The following ST3GAL3 variants were observed in gnomAD, a reference collection of about 807,000 sequenced individuals.
The protein encoded by ST3GAL3 is ST3 beta-galactoside alpha-2,3-sialyltransferase 3, also known as CMP-N-acetylneuraminate-beta-1,4-galactoside alpha-2,3-sialyltransferase.
Under a neutral mutation model 50.1 loss-of-function variants are expected in ST3GAL3, and 21 were observed. That is an observed-to-expected ratio of 0.42 (90% CI 0.30 to 0.60). The LOEUF (loss-of-function observed/expected upper bound fraction) is 0.60. ST3GAL3 is among the 20% of genes least tolerant of loss of function. The pLI, the probability that ST3GAL3 is intolerant of heterozygous loss-of-function variation, is 0.19. For missense variants in ST3GAL3, 353 were observed against 489.4 expected, an observed-to-expected ratio of 0.72 and a Z score of 2.63; for synonymous variants, 183 against 190.0, an observed-to-expected ratio of 0.96 and a Z score of 0.30.
At chr1:43,765,336 G>A (rs1037281402) in intron 2 of ST3GAL3, among the ~76,000 whole-genome samples, 2 of 152,212 alleles carry the variant, frequency 1.3e-5, no homozygotes, top group East Asian at 1.9e-4. Context: ...CTCTCTTCAA[G>A]CTTCTCTCTT....
At chr1:43,725,260 C>A (rs1441948997) in intron 1 of ST3GAL3, among the ~76,000 whole-genome samples, 1 of 151,922 alleles carries the variant, frequency 6.6e-6, no homozygotes, top group Non-Finnish European at 1.5e-5. Flanking sequence ...GGCTGCAGTG[C>A]AGTGGTGCAA....
At chr1:43,783,953 T>C (rs2056937065) in intron 2 of ST3GAL3, among the ~76,000 whole-genome samples, 1 of 152,206 alleles carries the variant, frequency 6.6e-6, no homozygotes, top group Non-Finnish European at 1.5e-5. Flanking sequence ...AAAGCCTTTT[T>C]ATGAAGGTCT....
At chr1:43,861,628 G>A (rs950827896) in intron 5 of ST3GAL3, among the ~76,000 whole-genome samples, 94 of 152,140 alleles carry the variant, frequency 6.2e-4, no homozygotes, top group African/African-American at 2.7e-4. Context: ...TCCTGGTGCC[G>A]TAACCCCTAC....
At chr1:43,762,754 T>C (rs1691018554) in intron 2 of ST3GAL3, among the ~76,000 whole-genome samples, 1 of 152,188 alleles carries the variant, frequency 6.6e-6, no homozygotes, top group Admixed American at 6.6e-5. Context: ...TAACTTTGGT[T>C]TCTTTCTGGG....
intron 2 of ST3GAL3, chr1:43,771,860 A>T: frequency 2.5e-6 from 1 of 398,192 alleles, no homozygotes; most frequent in Non-Finnish European, 4.4e-6. Flanking sequence ...AGACAAATGA[A>T]CACCTCCCTT....
At chr1:43,750,630 C>T (rs1489485376) in intron 2 of ST3GAL3, among the ~76,000 whole-genome samples, 3 of 152,084 alleles carry the variant, frequency 2.0e-5, no homozygotes, top group Non-Finnish European at 4.4e-5. Context: ...TGGCTAATGC[C>T]TGTAATCCCA....
chr1:43,881,863 C>G (rs2075201404), intron 5 of ST3GAL3, among the ~76,000 whole-genome samples: 2 of 152,198 alleles, frequency 1.3e-5, no homozygotes, highest in South Asian at 4.1e-4. Context: ...ATCAAAGTGT[C>G]CATGAGGATC....
At chr1:43,796,379 G>A (rs547470337) in intron 3 of ST3GAL3, among the ~76,000 whole-genome samples, 12 of 152,346 alleles carry the variant, frequency 7.9e-5, no homozygotes, top group East Asian at 3.9e-4. Context: ...GAAAGCAACC[G>A]CTTTAAGTTA....
At chr1:43,854,725 C>G (rs2068005270) in intron 5 of ST3GAL3, among the ~76,000 whole-genome samples, 1 of 152,242 alleles carries the variant, frequency 6.6e-6, no homozygotes, top group Non-Finnish European at 1.5e-5. Context: ...ATCCAACGCA[C>G]CGAATTTCCA....
intron 3 of ST3GAL3, among the ~76,000 whole-genome samples, chr1:43,812,877 G>C (rs192076309): frequency 1.5e-5 from 2 of 137,162 alleles, no homozygotes; most frequent in African/African-American, 2.5e-5. Flanking sequence ...CAGTGTGTGC[G>C]TGTGTGTGTG....
intron 11 of ST3GAL3, among the ~76,000 whole-genome samples, chr1:43,923,600 AG>A (rs1201124284): frequency 3.9e-5 from 6 of 152,216 alleles, no homozygotes; most frequent in Non-Finnish European, 7.4e-5. Flanking sequence ...GGAAGAGGCA[AG>A]GCAGCTCTCC....
intron 7 of ST3GAL3, 34 bp downstream of exon 7, chr1:43,898,332 G>T (rs375132302): frequency 5.0e-6 from 8 of 1,608,268 alleles, no homozygotes; most frequent in Non-Finnish European, 6.8e-6. Flanking sequence ...CCTACCCACC[G>T]CTGCCTGGTG....
At chr1:43,800,142 T>C (rs759724288) in intron 3 of ST3GAL3, among the ~76,000 whole-genome samples, 1 of 152,162 alleles carries the variant, frequency 6.6e-6, no homozygotes, top group African/African-American at 2.4e-5. Flanking sequence ...CACAGGGGAC[T>C]CTGTTACCAG....
At chr1:43,879,237 T>C (rs2074670136) in intron 5 of ST3GAL3, 1 of 455,252 alleles carries the variant, frequency 2.2e-6, no homozygotes, top group Non-Finnish European at 4.4e-6. Flanking sequence ...AGAAGGCCAG[T>C]ATGCTGTAAC....
intron 11 of ST3GAL3, chr1:43,921,373 T>C (rs2083009376): frequency 2.2e-6 from 1 of 459,598 alleles, no homozygotes; most frequent in African/African-American, 2.0e-5. Flanking sequence ...TTCCCAAACA[T>C]CCGTATGTAG....
At chr1:43,807,051 G>A (rs1320149215) in intron 3 of ST3GAL3, among the ~76,000 whole-genome samples, 1 of 152,216 alleles carries the variant, frequency 6.6e-6, no homozygotes, top group East Asian at 1.9e-4. Flanking sequence ...ATAAAGTTAT[G>A]TTGGAGAAAG....
At chr1:43,905,281 CTG>C (rs1370227634) in intron 9 of ST3GAL3, among the ~76,000 whole-genome samples, 2 of 137,792 alleles carry the variant, frequency 1.5e-5, no homozygotes, top group African/African-American at 5.6e-5. Flanking sequence ...TCTTCCTCTC[CTG>C]CCTCCTTCTG....
At chr1:43,906,966 A>G (rs1398980208) in intron 9 of ST3GAL3, among the ~76,000 whole-genome samples, 1 of 152,206 alleles carries the variant, frequency 6.6e-6, no homozygotes, top group Non-Finnish European at 1.5e-5. Flanking sequence ...GATCTTCCTA[A>G]GAAATAAATC....
intron 5 of ST3GAL3, among the ~76,000 whole-genome samples, chr1:43,893,761 C>T (rs2076978212): frequency 6.6e-6 from 1 of 152,170 alleles, no homozygotes; most frequent in Non-Finnish European, 1.5e-5. Flanking sequence ...TTCCTTCTCT[C>T]CACCAGCAAA....
Sources: gnomAD v4.1 joint callset for allele counts (sites outside exome capture counted in the v4.1 genomes callset) on GRCh38, gnomAD v4.1.1 for gene constraint, MANE v1.5 for transcripts, NCBI Gene and HGNC (gene_info 2026-07-23, HGNC 2026-07-21) for gene names.